SNAP47: variants seen among roughly 807,000 people sequenced by gnomAD.
The protein encoded by SNAP47 is synaptosome associated protein 47, also known as synaptosomal-associated protein 47.
Under a neutral mutation model 31.4 loss-of-function variants are expected in SNAP47, and 20 were observed. That is an observed-to-expected ratio of 0.64 (90% CI 0.45 to 0.93). The LOEUF is 0.93. Ranked by LOEUF, SNAP47 falls within the 40% of genes least tolerant of loss-of-function variation. The pLI, the probability that SNAP47 is intolerant of heterozygous loss-of-function variation, is 0.00. For missense variants in SNAP47, 492 were observed against 528.5 expected, an observed-to-expected ratio of 0.93 and a Z score of 0.68; for synonymous variants, 194 against 213.4, an observed-to-expected ratio of 0.91 and a Z score of 0.79.
intron 3 of SNAP47, among the ~76,000 whole-genome samples, chr1:227,766,044 T>C (rs905447434): frequency 6.6e-6 from 1 of 152,112 alleles, no homozygotes; most frequent in African/African-American, 2.4e-5. Flanking sequence ...ATCCCCCCTT[T>C]CCTCTCCTTT....
upstream of SNAP47, chr1:227,733,805 G>A (rs941749067): frequency 6.3e-7 from 1 of 1,583,854 alleles, no homozygotes; most frequent in African/African-American, 1.3e-5. Flanking sequence ...GGCACCCACT[G>A]TGAGGCCTGT....
rs538255075 is a variant in SNAP47 at position 227,771,520 on chromosome 1, T to G, written c.1113+4437T>G. On this transcript the variant is annotated intron_variant, in intron 4 of 4. Transcript: ENST00000617596. ...GCATGCACGTAGCTTGAGGGTGCCC[T>G]GTAACTCAGACTTATGGCAGCTGAG... Among the ~76,000 whole-genome samples, 26 of 152,210 alleles carry G rather than the reference T, an allele frequency of 1.7e-4. No individual in the cohort carries two copies. In the South Asian group the frequency reaches 5.4e-3, roughly 32 times the overall value.
At chr1:227,760,644 CCT>C (rs1330791981) in intron 3 of SNAP47, among the ~76,000 whole-genome samples, 2 of 152,190 alleles carry the variant, frequency 1.3e-5, no homozygotes, top group Non-Finnish European at 2.9e-5. Flanking sequence ...AGGCTGGTGG[CCT>C]CTTGGTGTTA....
At chr1:227,756,036 C>A (rs1453180012) in intron 2 of SNAP47, among the ~76,000 whole-genome samples, 1 of 152,224 alleles carries the variant, frequency 6.6e-6, no homozygotes, top group Non-Finnish European at 1.5e-5. Context: ...TGATTGATGT[C>A]TTATGTCCCA....
chr1:227,774,966 C>T (rs1664062124), intron 4 of SNAP47, among the ~76,000 whole-genome samples: 1 of 152,232 alleles, frequency 6.6e-6, no homozygotes, highest in Admixed American at 6.5e-5. Context: ...CCTGTGCACG[C>T]CTGGAGTGAG....
Sources: gnomAD v4.1 joint callset for allele counts (sites outside exome capture counted in the v4.1 genomes callset) on GRCh38, gnomAD v4.1.1 for gene constraint, MANE v1.5 for transcripts, NCBI Gene and HGNC (gene_info 2026-07-23, HGNC 2026-07-21) for gene names.